Variants in NLGN1 observed in about 807,000 individuals in gnomAD.
The protein encoded by NLGN1 is neuroligin 1, also known as neuroligin-1.
NLGN1 carries 12 observed loss-of-function variants against 65.5 expected under a neutral mutation model. The observed-to-expected ratio is 0.18, with a 90% CI of 0.12 to 0.30. The LOEUF is 0.30. Among genes scored for constraint, NLGN1 ranks in the 10% least tolerant of loss-of-function variants. The pLI is 1.00. For synonymous variants in NLGN1, 350 were observed against 359.5 expected (o/e 0.97, Z 0.30); for missense variants, 750 against 1,007.1 (o/e 0.74, Z 3.46).
chr3:173,878,629 AATATATATACTTATATATGTGTATAT>A (rs972934942), intron 4 of NLGN1, among the ~76,000 whole-genome samples: 7 of 145,762 alleles, frequency 4.8e-5, no homozygotes, highest in African/African-American at 1.8e-4. Context: ...AATGAATATA[AATATATATACTTATATATGTGTATAT>A]ATATATATAC....
chr3:173,727,296 C>A (rs1771962202), intron 3 of NLGN1, among the ~76,000 whole-genome samples: 1 of 152,154 alleles, frequency 6.6e-6, no homozygotes, highest in Admixed American at 6.6e-5. Context: ...TCTTACCTAA[C>A]ATACAGAGCT....
chr3:173,849,188 C>A (rs1726407779), intron 4 of NLGN1, among the ~76,000 whole-genome samples: 1 of 152,012 alleles, frequency 6.6e-6, no homozygotes. Context: ...TATATCTTTT[C>A]TTTTAAATTA....
intron 3 of NLGN1, among the ~76,000 whole-genome samples, chr3:173,752,662 C>T (rs952638797): frequency 1.1e-4 from 16 of 152,064 alleles, no homozygotes; most frequent in Admixed American, 1.1e-3. Flanking sequence ...TCTCCTTCTC[C>T]ACTTACTACA....
intron 3 of NLGN1, among the ~76,000 whole-genome samples, chr3:173,691,623 G>A (rs1323961110): frequency 6.6e-6 from 1 of 152,032 alleles, no homozygotes; most frequent in Non-Finnish European, 1.5e-5. Flanking sequence ...TAAGAGTTAG[G>A]AGAGACCTTA....
At position 174,266,085 on chromosome 3, in the gene NLGN1, G is replaced by A. The variant is rs144101381; in HGVS notation, c.647-9230G>A. 3.3e-4 allele frequency among the ~76,000 whole-genome samples: 49 copies of A among 149,836 alleles called. 1 individual carries two copies. The East Asian group carries it at 8.8e-3, about 27-fold the overall frequency. Reference sequence around the variant, plus strand: ...TCCAACTTTTATTTTAGGTGCAGTGGCTATATGTGCAGGTTTGTTACATGG... The same window carrying A: ...TCCAACTTTTATTTTAGGTGCAGTGACTATATGTGCAGGTTTGTTACATGG... On this transcript the variant is annotated intron_variant, in intron 4 of 6. Transcript: ENST00000457714.
At chr3:174,079,909 A>G (rs1467866611) in intron 4 of NLGN1, among the ~76,000 whole-genome samples, 1 of 152,124 alleles carries the variant, frequency 6.6e-6, no homozygotes, top group African/African-American at 2.4e-5. Flanking sequence ...GAAGGAGGGA[A>G]AGGATCAGGA....
chr3:174,038,298 A>T (rs1731567694), intron 4 of NLGN1, among the ~76,000 whole-genome samples: 1 of 152,206 alleles, frequency 6.6e-6, no homozygotes, highest in African/African-American at 2.4e-5. Context: ...TCGCTCTGCA[A>T]CCAACAGACA....
At chr3:173,610,922 A>G (rs897849830) in intron 3 of NLGN1, among the ~76,000 whole-genome samples, 10 of 152,044 alleles carry the variant, frequency 6.6e-5, no homozygotes, top group Non-Finnish European at 1.3e-4. Flanking sequence ...GATAGAAGAA[A>G]TAAAGAAATA....
intron 3 of NLGN1, among the ~76,000 whole-genome samples, chr3:173,627,402 A>G (rs1754991368): frequency 6.6e-6 from 1 of 150,470 alleles, no homozygotes; most frequent in Non-Finnish European, 1.5e-5. Context: ...TTTTTCCATT[A>G]CACACACACA....
chr3:174,037,259 A>C (rs542587501), intron 4 of NLGN1, among the ~76,000 whole-genome samples: 1 of 152,172 alleles, frequency 6.6e-6, no homozygotes, highest in Non-Finnish European at 1.5e-5. Flanking sequence ...CCTCATCAGC[A>C]TCTGTTATTT....
intron 4 of NLGN1, among the ~76,000 whole-genome samples, chr3:173,947,343 TCTTAA>T (rs1433280248): frequency 1.4e-4 from 22 of 152,078 alleles, no homozygotes; most frequent in Admixed American, 1.4e-3. Flanking sequence ...ATTAATCAAG[TCTTAA>T]CATACAATAG....
At chr3:174,159,332 A>G (rs1209057593) in intron 4 of NLGN1, among the ~76,000 whole-genome samples, 1 of 151,780 alleles carries the variant, frequency 6.6e-6, no homozygotes. Flanking sequence ...ACAAATTAGT[A>G]AAGAGCCAAA....
chr3:173,631,905 T>C (rs1442375797), intron 3 of NLGN1, among the ~76,000 whole-genome samples: 2 of 152,184 alleles, frequency 1.3e-5, no homozygotes, highest in African/African-American at 2.4e-5. Context: ...AATGTTCTTT[T>C]TTTTTGTAAT....
chr3:173,734,967 C>T (rs1224081880), intron 3 of NLGN1, among the ~76,000 whole-genome samples: 3 of 152,052 alleles, frequency 2.0e-5, no homozygotes, highest in Non-Finnish European at 4.4e-5. Flanking sequence ...TGTGGCACAA[C>T]ATTCTTCTCT....
chr3:173,625,171 T>A (rs1754632574), intron 3 of NLGN1, among the ~76,000 whole-genome samples: 1 of 152,160 alleles, frequency 6.6e-6, no homozygotes, highest in Non-Finnish European at 1.5e-5. Context: ...CCACTCTTTT[T>A]TAATTTTGCA....
chr3:173,785,362 A>G (rs1282795809), intron 3 of NLGN1, among the ~76,000 whole-genome samples: 1 of 152,156 alleles, frequency 6.6e-6, no homozygotes, highest in Non-Finnish European at 1.5e-5. Flanking sequence ...CTTCCTTACA[A>G]TACATTCCTT....
At chr3:173,797,696 C>CAAA (rs112560290) in intron 3 of NLGN1, among the ~76,000 whole-genome samples, 5,724 of 144,626 alleles carry the variant, frequency 0.04, 166 homozygotes, top group Middle Eastern at 0.066. Flanking sequence ...ACAACAACAA[C>CAAA]AACAAAAAAA....
intron 4 of NLGN1, among the ~76,000 whole-genome samples, chr3:173,820,701 C>T (rs1166133957): frequency 2.0e-5 from 3 of 152,070 alleles, no homozygotes; most frequent in African/African-American, 7.2e-5. Context: ...CTGAAAATAT[C>T]CTACTCTACT....
At chr3:173,682,328 G>A (rs761376634) in intron 3 of NLGN1, among the ~76,000 whole-genome samples, 70 of 151,918 alleles carry the variant, frequency 4.6e-4, no homozygotes, top group Non-Finnish European at 7.1e-4. Context: ...GGTGGCTCAC[G>A]CCTGTAATCC....
Sources: allele counts gnomAD v4.1 joint callset (sites outside exome capture counted in the v4.1 genomes callset), GRCh38; gene constraint gnomAD v4.1.1; transcripts MANE v1.5; gene names NCBI Gene and HGNC (gene_info 2026-07-23, HGNC 2026-07-21).